The following NCKAP5 variants were observed in gnomAD, a reference collection of about 807,000 sequenced individuals.
The protein encoded by NCKAP5 is NCK associated protein 5.
In NCKAP5, 92 loss-of-function variants were observed where a neutral mutation model predicts 167.0. That is an observed-to-expected ratio of 0.55 (90% CI 0.47 to 0.66). The LOEUF (loss-of-function observed/expected upper bound fraction) is 0.66. Ranked by LOEUF, NCKAP5 falls within the 30% of genes least tolerant of loss-of-function variation. The pLI, the probability that NCKAP5 is intolerant of heterozygous loss-of-function variation, is 0.00. For missense variants in NCKAP5, 2,378 were observed against 2,315.0 expected (o/e 1.03, Z -0.56); for synonymous variants, 891 against 877.4 (o/e 1.02, Z -0.27).
intron 12 of NCKAP5, among the ~76,000 whole-genome samples, chr2:132,791,855 C>G (rs962587455): frequency 2.0e-4 from 30 of 152,302 alleles, no homozygotes; most frequent in African/African-American, 7.2e-4. Flanking sequence ...ACTCTCTAAT[C>G]AATACCTATA....
chr2:133,463,347 T>C (rs759983166), intron 3 of NCKAP5, among the ~76,000 whole-genome samples: 2 of 152,172 alleles, frequency 1.3e-5, no homozygotes, highest in African/African-American at 2.4e-5. Context: ...GAAATGGCCA[T>C]GTGGTAGATG....
intron 4 of NCKAP5, among the ~76,000 whole-genome samples, chr2:133,218,783 T>C (rs1317770925): frequency 6.6e-6 from 1 of 152,196 alleles, no homozygotes; most frequent in South Asian, 2.1e-4. Context: ...CCTAATACAG[T>C]GTAAATGTTA....
At chr2:133,376,706 T>C (rs141875319) in intron 3 of NCKAP5, among the ~76,000 whole-genome samples, 69 of 152,320 alleles carry the variant, frequency 4.5e-4, no homozygotes, top group African/African-American at 1.6e-3. Flanking sequence ...ATGGAGAGCA[T>C]TTGGGCCCTA....
chr2:132,887,772 G>T (rs2148853450), intron 8 of NCKAP5, among the ~76,000 whole-genome samples: 3 of 152,234 alleles, frequency 2.0e-5, no homozygotes, highest in Middle Eastern at 6.8e-3. Context: ...TCAGCCTCTT[G>T]AGTAGCTGAG....
intron 2 of NCKAP5, chr2:133,558,035 A>G (rs531957904): frequency 1.3e-5 from 2 of 152,350 alleles, no homozygotes; most frequent in African/African-American, 2.4e-5. Flanking sequence ...AGATGGGAAC[A>G]CTTGATCCTA....
intron 5 of NCKAP5, among the ~76,000 whole-genome samples, chr2:133,136,035 A>G (rs1367600121): frequency 6.6e-6 from 1 of 152,226 alleles, no homozygotes; most frequent in Non-Finnish European, 1.5e-5. Context: ...GAAAGAAAAC[A>G]CATTTTAAAT....
Position 133,286,205 on chromosome 2 carries a change from C to A in NCKAP5, c.143+16832G>T, listed in dbSNP as rs374578074. On this transcript the variant is annotated intron_variant, in intron 4 of 19. Coordinates refer to ENST00000409261, the MANE Select transcript of NCKAP5 (RefSeq NM_207363.3). ...AGTAGAGACGGGGTTTCACTGTTAA[C>A]CAGGATGGTCTCGATCTCCTAACCT... Among the ~76,000 whole-genome samples the A allele has an allele frequency of 3.9e-5, 6 of 152,042 alleles. No homozygotes were observed. In the East Asian group the frequency reaches 1.2e-3, roughly 30 times the overall value.
chr2:133,196,945 G>T (rs2085461884), intron 5 of NCKAP5, among the ~76,000 whole-genome samples: 1 of 152,324 alleles, frequency 6.6e-6, no homozygotes, highest in South Asian at 2.1e-4. Context: ...GGGGGACCTT[G>T]TTCCTTCCCA....
Position 132,849,008 on chromosome 2 carries a change from C to T in NCKAP5, c.807+11484G>A, listed in dbSNP as rs528397966. Among the ~76,000 whole-genome samples the T allele has an allele frequency of 7.9e-5, 12 of 151,876 alleles. No individual in the cohort carries two copies. In the South Asian group the frequency reaches 1.3e-3, roughly 16 times the overall value. ...GAAACAATATGAAATAGAAAGTGTCCGATGCAATGTGAATGAATAAAGGGT... is the reference window on the plus strand; with the variant it reads ...GAAACAATATGAAATAGAAAGTGTCTGATGCAATGTGAATGAATAAAGGGT... On this transcript the variant is annotated intron_variant, in intron 11 of 19. Transcript: ENST00000409261.
intron 4 of NCKAP5, among the ~76,000 whole-genome samples, chr2:133,273,930 A>C (rs2089621661): frequency 6.6e-6 from 1 of 151,282 alleles, no homozygotes; most frequent in Non-Finnish European, 1.5e-5. Flanking sequence ...TCACCTCCCC[A>C]GGAATAAAAG....
At chr2:133,413,107 A>C (rs1233823925) in intron 3 of NCKAP5, among the ~76,000 whole-genome samples, 1 of 152,232 alleles carries the variant, frequency 6.6e-6, no homozygotes, top group East Asian at 1.9e-4. Flanking sequence ...AGCTGAGCTC[A>C]GCATGTGGGT....
chr2:133,233,474 C>T (rs1047314683), intron 4 of NCKAP5, among the ~76,000 whole-genome samples: 8 of 151,970 alleles, frequency 5.3e-5, no homozygotes, highest in South Asian at 4.2e-4. Flanking sequence ...TTCACAAGTC[C>T]GAGTTTATAA....
chr2:133,372,965 G>A (rs1685897765), intron 3 of NCKAP5, among the ~76,000 whole-genome samples: 2 of 152,296 alleles, frequency 1.3e-5, no homozygotes, highest in South Asian at 4.2e-4. Flanking sequence ...CAGATCAGTG[G>A]TACTCAGATG....
At chr2:133,279,575 G>C (rs2089864909) in intron 4 of NCKAP5, among the ~76,000 whole-genome samples, 1 of 152,040 alleles carries the variant, frequency 6.6e-6, no homozygotes, top group South Asian at 2.1e-4. Context: ...TTTTATCACA[G>C]CCAGTCTTAA....
At chr2:133,538,715 T>C (rs1685948300) in intron 2 of NCKAP5, among the ~76,000 whole-genome samples, 2 of 152,020 alleles carry the variant, frequency 1.3e-5, no homozygotes, top group African/African-American at 4.8e-5. Flanking sequence ...CCAGCTTACT[T>C]CATGAAAACA....
At chr2:133,194,757 TAAG>T (rs1163149213) in intron 5 of NCKAP5, among the ~76,000 whole-genome samples, 1 of 151,696 alleles carries the variant, frequency 6.6e-6, no homozygotes, top group African/African-American at 2.4e-5. Flanking sequence ...TGAATTATTT[TAAG>T]AAGAATGCAT....
chr2:132,945,354 A>C (rs948655111), intron 8 of NCKAP5, among the ~76,000 whole-genome samples: 1 of 152,152 alleles, frequency 6.6e-6, no homozygotes, highest in African/African-American at 2.4e-5. Flanking sequence ...CTTTGCTTGG[A>C]AGGAAGACAG....
chr2:133,188,562 A>C (rs1359253031), intron 5 of NCKAP5, among the ~76,000 whole-genome samples: 1 of 152,162 alleles, frequency 6.6e-6, no homozygotes, highest in Non-Finnish European at 1.5e-5. Flanking sequence ...AATGTAACAG[A>C]AAAGAAATTA....
At chr2:132,936,958 A>G (rs1049123318) in intron 8 of NCKAP5, among the ~76,000 whole-genome samples, 1 of 152,196 alleles carries the variant, frequency 6.6e-6, no homozygotes, top group Non-Finnish European at 1.5e-5. Flanking sequence ...TGATGATGTG[A>G]AAAAGAAACC....
Sources: gnomAD v4.1 joint callset for allele counts (sites outside exome capture counted in the v4.1 genomes callset) on GRCh38, gnomAD v4.1.1 for gene constraint, MANE v1.5 for transcripts, NCBI Gene and HGNC (gene_info 2026-07-23, HGNC 2026-07-21) for gene names.